WDR35: variants seen among roughly 807,000 people sequenced by gnomAD.
WDR35 encodes WD repeat-containing protein 35.
WDR35 carries 118 observed loss-of-function variants against 158.3 expected under a neutral mutation model. The ratio of observed to expected loss-of-function variants is 0.75; its 90% CI spans 0.64 to 0.87. WDR35 has a LOEUF of 0.87. WDR35 is among the 40% of genes least tolerant of loss of function. The pLI, the probability that WDR35 is intolerant of heterozygous loss-of-function variation, is 0.00. For synonymous variants in WDR35, 448 were observed against 476.1 expected, an observed-to-expected ratio of 0.94 and a Z score of 0.77; for missense variants, 1,263 against 1,405.8, an observed-to-expected ratio of 0.90 and a Z score of 1.62.
At chr2:19,961,381 A>G (rs1671647613) in intron 10 of WDR35, among the ~76,000 whole-genome samples, 1 of 152,258 alleles carries the variant, frequency 6.6e-6, no homozygotes, top group South Asian at 2.1e-4. Context: ...AGTCAACACT[A>G]TAGACATCTC....
At position 19,934,059 on chromosome 2, in the gene WDR35, CCACCACCA is replaced by C. The variant is rs1670614551; in HGVS notation, c.2548-556_2548-549del. ...ACCACCACCACCACCACCACCACCA[CCACCACCA>C]CCACCACAAAAAAAAATCCTACTTG... On this transcript the variant is annotated intron_variant, in intron 21 of 26. Transcript: ENST00000281405. This position sits in a 1 kb window ranked among gnomAD's most constrained non-coding sequence, Gnocchi z 4.6. 6.8e-6 allele frequency among the ~76,000 whole-genome samples: 1 copy of C among 146,456 alleles called. No individual in the cohort carries two copies. The highest frequency in any genetic ancestry group is 1.5e-5 in the Non-Finnish European group (1 of 66,300).
In WDR35 at chr2:19,914,109, A is replaced by G. The variant is rs1367212914; in HGVS notation, c.3290T>C (p.Leu1097Pro). The G allele has an allele frequency of 1.2e-6, 2 of 1,614,168 alleles. No homozygotes were observed. Among genetic ancestry groups the G allele is most frequent in the Non-Finnish European group, 1.7e-6 (2 of 1,180,008 alleles). The stretch of plus-strand genomic sequence containing the variant: ...ATGTTTGGTGAAGATTTCTAAAGCA[A>G]GGTCTTCATACTGCTGTTTCTGTTC... ...SSEQKQQYED[L>P]ALEIFTKHTS... The change falls in exon 26 of 27, where the codon CTT (leucine) becomes CCT (proline). Residue 1097 changes from leucine to proline, a missense_variant. Physicochemically the swap from Leu to Pro is moderately conservative, Grantham distance 98 (BLOSUM62 -3). Coordinates refer to ENST00000281405, the MANE Select transcript of WDR35 (RefSeq NM_020779.4).
intron 25 of WDR35, among the ~76,000 whole-genome samples, chr2:19,926,899 G>A (rs1421424325): frequency 1.3e-4 from 9 of 71,972 alleles, no homozygotes; most frequent in East Asian, 1.1e-3. Context: ...GGAGGATCTC[G>A]AGGACCCCCC....
intron 25 of WDR35, among the ~76,000 whole-genome samples, chr2:19,928,702 T>C (rs1306650586): frequency 2.0e-5 from 3 of 152,212 alleles, no homozygotes; most frequent in Non-Finnish European, 4.4e-5. Flanking sequence ...AATATCATCA[T>C]CACAGCTACC....
intron 5 of WDR35, among the ~76,000 whole-genome samples, chr2:19,976,960 C>T (rs932650200): frequency 5.3e-5 from 8 of 152,094 alleles, no homozygotes; most frequent in Non-Finnish European, 1.0e-4. Flanking sequence ...ATTGGGACTA[C>T]AGGAGTATGC....
In WDR35 at chr2:19,974,639, T is replaced by A; in HGVS notation, c.571-6A>T. 1.9e-6 allele frequency: 3 copies of A among 1,611,676 alleles called. No individual in the cohort carries two copies. Among genetic ancestry groups the A allele is most frequent in the Non-Finnish European group, 2.5e-6 (3 of 1,178,498 alleles). ...CAACTCAGTTTCATTTTTATCTAAA[T>A]AAAATTGGTTAGGTTTAATATTTTA... On this transcript the variant is annotated splice_polypyrimidine_tract_variant and splice_region_variant and intron_variant, in intron 6 of 26. Transcript: ENST00000281405.
intron 11 of WDR35, among the ~76,000 whole-genome samples, chr2:19,956,433 T>C (rs1350728399): frequency 6.6e-6 from 1 of 152,132 alleles, no homozygotes; most frequent in East Asian, 1.9e-4. Flanking sequence ...GACAGGCACT[T>C]GTTAATTCTG....
intron 16 of WDR35, among the ~76,000 whole-genome samples, chr2:19,943,676 A>T (rs1242671119): frequency 6.6e-6 from 1 of 152,108 alleles, no homozygotes; most frequent in Non-Finnish European, 1.5e-5. Context: ...AAGAAACATG[A>T]AATGAAATTG....
chr2:19,941,782 C>G lies in WDR35; in HGVS notation c.1903G>C (p.Val635Leu), dbSNP rs1219281258. The G allele has an allele frequency of 2.6e-6, 4 of 1,568,302 alleles. No homozygotes were observed. Among genetic ancestry groups the G allele is most frequent in the African/African-American group, 2.7e-5 (2 of 74,398 alleles). The change falls in exon 17 of 27, where the codon GTT (valine) becomes CTT (leucine). Residue 635 changes from valine (V) to leucine (L), a missense_variant. Val to Leu is a conservative substitution (Grantham distance 32, BLOSUM62 1). Transcript: ENST00000281405. ...CNFEDLEIKS[V>L]LLDEILKDPE... ...ACCTTTAATATCTCATCCAAAAGAA[C>G]AGATTTAATTTCTAAATCCTCAAAA...
intron 19 of WDR35, among the ~76,000 whole-genome samples, chr2:19,937,063 T>C (rs1339237330): frequency 6.6e-6 from 1 of 152,252 alleles, no homozygotes; most frequent in African/African-American, 2.4e-5. Context: ...TGTGGTTTTA[T>C]ATGACTTTTC....
chr2:19,924,715 C>T (rs778827462), intron 25 of WDR35, among the ~76,000 whole-genome samples: 3 of 152,052 alleles, frequency 2.0e-5, no homozygotes. Context: ...GTGATGTTAT[C>T]GGAGGTAATC....
chr2:19,924,536 G>A (rs182129526), intron 25 of WDR35, among the ~76,000 whole-genome samples: 74 of 152,286 alleles, frequency 4.9e-4, no homozygotes, highest in African/African-American at 1.7e-3. Context: ...TGCACTCCAG[G>A]CTGGGCGACA....
At chr2:19,948,878 C>A (rs1671146527) in intron 13 of WDR35, among the ~76,000 whole-genome samples, 2 of 151,546 alleles carry the variant, frequency 1.3e-5, no homozygotes, top group Admixed American at 1.3e-4. Flanking sequence ...CACACCACTG[C>A]ACTCCAGCCT....
At chr2:19,948,446 A>G (rs971163155) in intron 13 of WDR35, among the ~76,000 whole-genome samples, 2 of 152,226 alleles carry the variant, frequency 1.3e-5, no homozygotes, top group African/African-American at 4.8e-5. Context: ...AAGACAGTGA[A>G]CTAAACACCT....
rs370988266 is a variant in WDR35 at position 19,961,289 on chromosome 2, A to G, written c.1195-675T>C. On this transcript the variant is annotated intron_variant, in intron 10 of 26. Transcript: ENST00000281405. The stretch of plus-strand genomic sequence containing the variant: ...TGAAACCTGCAACAGCAGACCATCC[A>G]TGTCAATTTGCAAGGAAAAAATGAA... Among the ~76,000 whole-genome samples the G allele has an allele frequency of 2.0e-5, 3 of 152,362 alleles. No individual in the cohort carries two copies. In the South Asian group the frequency reaches 6.2e-4, roughly 32 times the overall value.
chr2:19,922,319 C>A (rs995143002), intron 25 of WDR35, among the ~76,000 whole-genome samples: 2 of 152,160 alleles, frequency 1.3e-5, no homozygotes, highest in Non-Finnish European at 2.9e-5. Context: ...GGAGCCAACC[C>A]AAATGCCCAT....
intron 26 of WDR35, 50 bp downstream of exon 26, chr2:19,913,987 C>T: frequency 6.2e-7 from 1 of 1,610,412 alleles, no homozygotes; most frequent in Non-Finnish European, 8.5e-7. Context: ...ATCTAGAAAT[C>T]CAAGCTTCTA....
rs955417338 is a variant in WDR35, at chr2:19,911,138, G to A, written c.*2420C>T. Reference sequence around the variant, plus strand: ...GGGCTCAGGCAGCACAGAATTAGGGGGAAATGAGAAGCCTCCAAAAGAGAG... The same window carrying A: ...GGGCTCAGGCAGCACAGAATTAGGGAGAAATGAGAAGCCTCCAAAAGAGAG... On this transcript the variant is annotated 3_prime_UTR_variant, in exon 27 of 27. Coordinates refer to ENST00000281405, the MANE Select transcript of WDR35 (RefSeq NM_020779.4). The A allele has an allele frequency of 6.6e-6, 1 of 152,118 alleles. No homozygotes were observed. 9.4% of individuals were successfully genotyped at this position (152,118 alleles called of 1,614,324 possible).
At chr2:19,922,862 G>C (rs1183263139) in intron 25 of WDR35, among the ~76,000 whole-genome samples, 1 of 152,164 alleles carries the variant, frequency 6.6e-6, no homozygotes, top group Non-Finnish European at 1.5e-5. Context: ...ACGCTGGAAG[G>C]TTGTGGGTTT....
Sources: gnomAD v4.1 joint callset for allele counts (sites outside exome capture counted in the v4.1 genomes callset) on GRCh38, gnomAD v4.1.1 for gene constraint, Gnocchi (gnomAD v3.1) non-coding constraint, MANE v1.5 for transcripts, NCBI Gene and HGNC (gene_info 2026-07-23, HGNC 2026-07-21) for gene names.